The following ICA1 variants were observed in gnomAD, a reference collection of about 807,000 sequenced individuals.
The protein encoded by ICA1 is 69 kDa islet cell autoantigen.
A neutral mutation model predicts 71.0 loss-of-function variants in ICA1; 40 were observed. The ratio of observed to expected loss-of-function variants is 0.56; its 90% CI spans 0.44 to 0.73. The LOEUF (loss-of-function observed/expected upper bound fraction) is 0.73, where lower values mean the gene tolerates loss of function less well. Ranked by LOEUF, ICA1 falls within the 30% of genes least tolerant of loss-of-function variation. The pLI is 0.00. For synonymous variants in ICA1, 207 were observed against 209.5 expected, an observed-to-expected ratio of 0.99 and a Z score of 0.10; for missense variants, 578 against 576.5, an observed-to-expected ratio of 1.00 and a Z score of -0.03.
At chr7:8,151,686 G>A (rs956649946) in intron 8 of ICA1, among the ~76,000 whole-genome samples, 2 of 152,204 alleles carry the variant, frequency 1.3e-5, no homozygotes, top group Non-Finnish European at 2.9e-5. Flanking sequence ...CCATGTGGCC[G>A]GTTGGTAAAT....
chr7:8,176,276 T>A (rs920236068), intron 6 of ICA1, among the ~76,000 whole-genome samples: 3 of 152,236 alleles, frequency 2.0e-5, no homozygotes, highest in African/African-American at 7.2e-5. Context: ...CGTGCTTCTG[T>A]ACTGCCTCTG....
intron 4 of ICA1, 118 bp downstream of exon 4, chr7:8,228,483 C>T (rs182208049): frequency 2.8e-4 from 146 of 528,252 alleles, no homozygotes; most frequent in African/African-American, 1.5e-3. Flanking sequence ...CTCCTCCCAA[C>T]GCCTGAAGAC....
rs67144473 is a variant in ICA1 at position 8,156,929 on chromosome 7, TAAAAAAAAAAAAAAAAA to T, written c.804+170_804+186del. 3.9e-6 allele frequency: 6 copies of T among 1,519,700 alleles called. No individual in the cohort carries two copies. The Admixed American group carries it at 8.9e-5, about 23-fold the overall frequency. 94.1% of individuals were successfully genotyped at this position (1,519,700 alleles called of 1,614,324 possible). On this transcript the variant is annotated intron_variant, in intron 8 of 13. Transcript: ENST00000402384. ...CTCATTGTATTGAATCCTGATGCAG[TAAAAAAAAAAAAAAAAA>T]AAAAAAAAGAAAGAAAGAAAGAAAG...
rs986094883 is a variant in ICA1, at chr7:8,132,221, T to C, written c.1061-4079A>G. ...TCCTTTCTAAGATAAGCCCTCTCTA[T>C]GCCCTCCCCTCCTTCCTGAAGCCTG... On this transcript the variant is annotated intron_variant, in intron 12 of 13. Coordinates refer to ENST00000402384, the MANE Select transcript of ICA1 (RefSeq NM_001136020.3). This position sits in a 1 kb window ranked among gnomAD's most constrained non-coding sequence, Gnocchi z 4.5. Among the ~76,000 whole-genome samples the C allele has an allele frequency of 7.2e-5, 11 of 152,220 alleles. No individual in the cohort carries two copies. The highest frequency in any genetic ancestry group is 6.5e-4 in the Admixed American group (10 of 15,284).
rs186932389 is a variant in ICA1 at position 8,249,927 on chromosome 7, T to C, written c.-80+12167A>G. ...CAGAAAAAACAGAAGTCATATAATT[T>C]AGAGCCTAGAAAGAGATGAGGAAGA... On this transcript the variant is annotated intron_variant, in intron 1 of 13. Coordinates refer to ENST00000402384, the MANE Select transcript of ICA1 (RefSeq NM_001136020.3). 1.6e-3 allele frequency among the ~76,000 whole-genome samples: 248 copies of C among 152,314 alleles called. 3 individuals carry two copies. The highest frequency in any genetic ancestry group is 5.6e-3 in the African/African-American group (232 of 41,564).
At chr7:8,180,015 G>C (rs1055204613) in intron 6 of ICA1, among the ~76,000 whole-genome samples, 1 of 151,736 alleles carries the variant, frequency 6.6e-6, no homozygotes, top group African/African-American at 2.4e-5. Context: ...CAGCTGCTTA[G>C]ATTTTGTTGT....
At chr7:8,237,815 G>GACACACACACACACAC (rs916761494) in intron 1 of ICA1, among the ~76,000 whole-genome samples, 3 of 135,260 alleles carry the variant, frequency 2.2e-5, no homozygotes, top group African/African-American at 9.7e-5. Context: ...CAATGTTGAA[G>GACACACACACACACAC]ACAGACACAC....
At chr7:8,166,982 C>T (rs1806232087) in intron 6 of ICA1, among the ~76,000 whole-genome samples, 1 of 152,176 alleles carries the variant, frequency 6.6e-6, no homozygotes, top group Non-Finnish European at 1.5e-5. Flanking sequence ...AAATGACATG[C>T]TGGTGAGGCT....
chr7:8,159,567 T>C (rs1006053511), intron 6 of ICA1, among the ~76,000 whole-genome samples: 9 of 151,474 alleles, frequency 5.9e-5, no homozygotes, highest in Non-Finnish European at 1.0e-4. Flanking sequence ...AGGTGTGGGG[T>C]TGCACGCCTA....
At chr7:8,168,288 T>A (rs1344138264) in intron 6 of ICA1, among the ~76,000 whole-genome samples, 1 of 152,204 alleles carries the variant, frequency 6.6e-6, no homozygotes, top group African/African-American at 2.4e-5. Context: ...ATTACTCCAG[T>A]GTTTCCAAAA....
intron 6 of ICA1, among the ~76,000 whole-genome samples, chr7:8,178,039 C>T (rs1463807532): frequency 6.6e-6 from 1 of 152,220 alleles, no homozygotes; most frequent in Non-Finnish European, 1.5e-5. Flanking sequence ...CACTTCTCTA[C>T]CTCCATCTTT....
intron 13 of ICA1, among the ~76,000 whole-genome samples, chr7:8,117,474 T>C (rs1785159128): frequency 6.6e-6 from 1 of 152,234 alleles, no homozygotes; most frequent in Non-Finnish European, 1.5e-5. Context: ...ACCATAAGCT[T>C]CTTTGCACCT....
intron 6 of ICA1, among the ~76,000 whole-genome samples, chr7:8,189,543 C>T (rs1784901525): frequency 6.6e-6 from 1 of 152,152 alleles, no homozygotes; most frequent in African/African-American, 2.4e-5. Context: ...ATACATTTTC[C>T]CATGGAGGCA....
intron 6 of ICA1, among the ~76,000 whole-genome samples, chr7:8,197,637 G>C (rs1438135848): frequency 6.7e-6 from 1 of 149,710 alleles, no homozygotes; most frequent in Non-Finnish European, 1.5e-5. Flanking sequence ...TATTAAAGAT[G>C]AAGGGTGGAA....
At chr7:8,260,149 T>A (rs1811740073) in intron 1 of ICA1, among the ~76,000 whole-genome samples, 1 of 152,182 alleles carries the variant, frequency 6.6e-6, no homozygotes, top group Non-Finnish European at 1.5e-5. Context: ...TAAAAGTTCA[T>A]ACCAAACATA....
intron 6 of ICA1, among the ~76,000 whole-genome samples, chr7:8,177,215 C>A (rs1449799572): frequency 2.0e-5 from 3 of 152,168 alleles, no homozygotes. Flanking sequence ...AAGTCAAATA[C>A]AGTCAAAATT....
chr7:8,148,661 G>C (rs139416402), intron 8 of ICA1, among the ~76,000 whole-genome samples: 1 of 152,022 alleles, frequency 6.6e-6, no homozygotes, highest in African/African-American at 2.4e-5. Flanking sequence ...AGAGTGGGAC[G>C]ACCATCACCA....
At chr7:8,191,230 T>C (rs748882613) in intron 6 of ICA1, among the ~76,000 whole-genome samples, 1 of 152,240 alleles carries the variant, frequency 6.6e-6, no homozygotes, top group Admixed American at 6.5e-5. Context: ...CAAAGAATCA[T>C]GCTGGCACAT....
intron 2 of ICA1, among the ~76,000 whole-genome samples, chr7:8,232,999 C>A (rs1053333484): frequency 6.6e-6 from 1 of 151,844 alleles, no homozygotes; most frequent in East Asian, 1.9e-4. Context: ...AAGAAACTAA[C>A]CCTTGAAAAG....
Sources: allele counts gnomAD v4.1 joint callset (sites outside exome capture counted in the v4.1 genomes callset), GRCh38; gene constraint gnomAD v4.1.1; non-coding constraint Gnocchi (gnomAD v3.1); transcripts MANE v1.5; gene names NCBI Gene and HGNC (gene_info 2026-07-23, HGNC 2026-07-21).